Variants in RBFOX1 observed in about 807,000 individuals in gnomAD.
RBFOX1 encodes the protein RNA binding fox-1 homolog 1, also known as RNA binding protein fox-1 homolog 1.
In RBFOX1, 8 loss-of-function variants were observed where a neutral mutation model predicts 57.7. The observed-to-expected ratio is 0.14, with a 90% CI of 0.08 to 0.25. RBFOX1 has a LOEUF of 0.25. Among genes scored for constraint, RBFOX1 ranks in the 10% least tolerant of loss-of-function variants. The pLI is 1.00. For synonymous variants in RBFOX1, 326 were observed against 222.4 expected (o/e 1.47, Z -4.15); for missense variants, 611 against 548.5 (o/e 1.11, Z -1.14).
At chr16:6,363,720 C>T (rs778006780) in intron 2 of RBFOX1, among the ~76,000 whole-genome samples, 10 of 152,132 alleles carry the variant, frequency 6.6e-5, no homozygotes, top group African/African-American at 1.9e-4. Flanking sequence ...ACAGGAGAAA[C>T]GAATTTCACG....
At chr16:5,421,678 T>G (rs573255978) in intron 1 of RBFOX1, among the ~76,000 whole-genome samples, 1 of 152,278 alleles carries the variant, frequency 6.6e-6, no homozygotes, top group African/African-American at 2.4e-5. Flanking sequence ...TCTTTAATTA[T>G]TAAAAAAGAC....
chr16:6,291,938 T>C (rs2077509128), intron 1 of RBFOX1, among the ~76,000 whole-genome samples: 1 of 149,998 alleles, frequency 6.7e-6, no homozygotes, highest in Non-Finnish European at 1.5e-5. Context: ...ATAGACTCTG[T>C]GTTGGAATGA....
At chr16:7,590,521 C>A (rs1247641073) in intron 7 of RBFOX1, among the ~76,000 whole-genome samples, 1 of 151,956 alleles carries the variant, frequency 6.6e-6, no homozygotes, top group Non-Finnish European at 1.5e-5. Flanking sequence ...CTGATATGGT[C>A]TATTTAAGGG....
At chr16:7,509,512 A>C (rs1295996986) in intron 4 of RBFOX1, among the ~76,000 whole-genome samples, 1 of 151,824 alleles carries the variant, frequency 6.6e-6, no homozygotes, top group Non-Finnish European at 1.5e-5. Flanking sequence ...GCTACTCATC[A>C]TTGGTCCCAT....
intron 14 of RBFOX1, among the ~76,000 whole-genome samples, chr16:7,685,192 C>T (rs2075795261): frequency 3.9e-5 from 6 of 152,050 alleles, no homozygotes. Flanking sequence ...TTCTGTTCTA[C>T]CCCGATATGC....
chr16:7,226,600 A>G (rs544159693), intron 4 of RBFOX1, among the ~76,000 whole-genome samples: 2 of 152,308 alleles, frequency 1.3e-5, no homozygotes, highest in East Asian at 1.9e-4. Context: ...TCTTTCCTGG[A>G]ACAGTGTTAA....
intron 3 of RBFOX1, among the ~76,000 whole-genome samples, chr16:5,712,260 G>A (rs1157170789): frequency 2.0e-5 from 3 of 152,184 alleles, no homozygotes; most frequent in African/African-American, 4.8e-5. Context: ...GTGGGGACAC[G>A]AAGCCAAACC....
chr16:7,367,367 C>T (rs923172568), intron 4 of RBFOX1, among the ~76,000 whole-genome samples: 6 of 152,212 alleles, frequency 3.9e-5, no homozygotes, highest in Non-Finnish European at 8.8e-5. Flanking sequence ...AGGTGTAAAT[C>T]TGTCATTTTG....
At chr16:6,647,749 T>G (rs890070018) in intron 2 of RBFOX1, among the ~76,000 whole-genome samples, 1 of 152,186 alleles carries the variant, frequency 6.6e-6, no homozygotes, top group Non-Finnish European at 1.5e-5. Context: ...TTGCATTTTT[T>G]TTTAAAGATG....
At chr16:5,595,359 GA>G (rs2151193632) in intron 2 of RBFOX1, among the ~76,000 whole-genome samples, 1 of 152,272 alleles carries the variant, frequency 6.6e-6, no homozygotes, top group East Asian at 1.9e-4. Context: ...TGCTGCTGGG[GA>G]TTCATGTCCC....
At chr16:7,027,222 A>G (rs879409234) in intron 3 of RBFOX1, among the ~76,000 whole-genome samples, 1 of 152,164 alleles carries the variant, frequency 6.6e-6, no homozygotes, top group Non-Finnish European at 1.5e-5. Flanking sequence ...GCACAGAAAA[A>G]ACTCATAAAT....
At chr16:7,587,343 A>T in intron 7 of RBFOX1, 43 bp downstream of exon 7, 1 of 1,474,174 alleles carries the variant, frequency 6.8e-7, no homozygotes, top group Non-Finnish European at 9.0e-7. Flanking sequence ...GTTTATTTTT[A>T]AATGTTTGTT....
rs74005144 is a variant in RBFOX1, at chr16:6,129,406, G to C, written c.-127+109414G>C. ...AGCAAGGCACTTGAACAGTTTAACA[G>C]TAGATTGAAGACTATAGAAGAAAGG... On this transcript the variant is annotated intron_variant, in intron 1 of 15. Coordinates refer to ENST00000550418, the MANE Select transcript of RBFOX1 (RefSeq NM_018723.4). Among the ~76,000 whole-genome samples the C allele has an allele frequency of 8.7e-3, 1,318 of 152,224 alleles. 21 individuals carry two copies. Among genetic ancestry groups the C allele is most frequent in the African/African-American group, 0.029 (1,222 of 41,544 alleles).
At chr16:6,423,722 G>A (rs905452691) in intron 2 of RBFOX1, among the ~76,000 whole-genome samples, 1 of 152,178 alleles carries the variant, frequency 6.6e-6, no homozygotes, top group Non-Finnish European at 1.5e-5. Flanking sequence ...ATGCCCCAGA[G>A]GACGTGGGGA....
chr16:6,227,784 C>G (rs1302093754), intron 1 of RBFOX1, among the ~76,000 whole-genome samples: 1 of 152,186 alleles, frequency 6.6e-6, no homozygotes, highest in Non-Finnish European at 1.5e-5. Context: ...TATGTGGTTA[C>G]TAACTATAGA....
At chr16:5,722,591 A>G (rs555349025) in intron 3 of RBFOX1, among the ~76,000 whole-genome samples, 6 of 152,284 alleles carry the variant, frequency 3.9e-5, no homozygotes, top group African/African-American at 1.4e-4. Flanking sequence ...CATCTTTATC[A>G]GTGAAATCTT....
chr16:7,519,543 C>G (rs2077080697), intron 5 of RBFOX1: 1 of 240,996 alleles, frequency 4.1e-6, no homozygotes, highest in South Asian at 1.5e-4. Context: ...AAATATAACT[C>G]TAAATGAAAA....
intron 9 of RBFOX1, among the ~76,000 whole-genome samples, chr16:7,599,561 C>T (rs548762584): frequency 1.3e-5 from 2 of 150,742 alleles, no homozygotes; most frequent in East Asian, 3.9e-4. Flanking sequence ...CAAATGAAGT[C>T]CTATAAAGAG....
chr16:6,916,374 C>G (rs1472471937), intron 3 of RBFOX1, among the ~76,000 whole-genome samples: 5 of 152,076 alleles, frequency 3.3e-5, no homozygotes, highest in African/African-American at 1.2e-4. Flanking sequence ...GACCTCTGTG[C>G]ATGGGGTTTG....
Sources: gnomAD v4.1 joint callset for allele counts (sites outside exome capture counted in the v4.1 genomes callset) on GRCh38, gnomAD v4.1.1 for gene constraint, MANE v1.5 for transcripts, NCBI Gene and HGNC (gene_info 2026-07-23, HGNC 2026-07-21) for gene names.